COLEC10: variants seen among roughly 807,000 people sequenced by gnomAD.
COLEC10 encodes the protein collectin-10.
In COLEC10, 22 loss-of-function variants were observed where a neutral mutation model predicts 28.4. That is an observed-to-expected ratio of 0.78 (90% confidence interval 0.55 to 1.11). COLEC10 has a LOEUF of 1.11. Among genes scored for constraint, COLEC10 ranks in the 50% least tolerant of loss-of-function variants. COLEC10 has a pLI of 0.00. For missense variants in COLEC10, 361 were observed against 344.1 expected (o/e 1.05, Z -0.39); for synonymous variants, 125 against 116.1 (o/e 1.08, Z -0.49).
Position 119,097,865 on chromosome 8 carries a change from CT to C in COLEC10, c.293-4472del, listed in dbSNP as rs562855769. Among the ~76,000 whole-genome samples, 345 of 147,008 alleles carry C rather than the reference CT, an allele frequency of 2.3e-3. 2 individuals carry two copies. Among genetic ancestry groups the C allele is most frequent in the Admixed American group, 4.3e-3 (63 of 14,652 alleles). Reference sequence around the variant, plus strand: ...CATGAATAAGTCCAGAATTGAAGAACTTTTTTTTTTTAGATAAGTAACATTT... The same window carrying C: ...CATGAATAAGTCCAGAATTGAAGAACTTTTTTTTTTAGATAAGTAACATTT... On this transcript the variant is annotated intron_variant, in intron 3 of 5. Coordinates refer to ENST00000332843, the MANE Select transcript of COLEC10 (RefSeq NM_006438.5).
At chr8:119,044,727 C>CGTCTGTAAT (rs1814558044) in intron 2 of COLEC10, among the ~76,000 whole-genome samples, 1 of 151,688 alleles carries the variant, frequency 6.6e-6, no homozygotes, top group Non-Finnish European at 1.5e-5. Context: ...TGGTGGCTCA[C>CGTCTGTAAT]GTCTGTAATC....
chr8:119,077,981 A>G (rs1038897198), intron 1 of COLEC10, among the ~76,000 whole-genome samples: 3 of 152,140 alleles, frequency 2.0e-5, no homozygotes, highest in African/African-American at 7.2e-5. Context: ...ATATACAATC[A>G]TGGCAGAAGA....
rs77025061 is a variant in COLEC10, at chr8:119,083,575, C to T, written c.149-6105C>T. Among the ~76,000 whole-genome samples, 225 of 152,264 alleles carry T rather than the reference C, an allele frequency of 1.5e-3. 4 individuals are homozygous for T. Among genetic ancestry groups the T allele is most frequent in the East Asian group, 0.012 (63 of 5,172 alleles). On this transcript the variant is annotated intron_variant, in intron 1 of 5. Coordinates refer to ENST00000332843, the MANE Select transcript of COLEC10 (RefSeq NM_006438.5). The stretch of plus-strand genomic sequence containing the variant: ...CAATATTTATGCATCAGTGAGAGCA[C>T]ATTCCATGCAAGCAGCTCTTTGATG...
At chr8:119,042,731 A>C (rs947809753) in intron 2 of COLEC10, among the ~76,000 whole-genome samples, 1 of 152,216 alleles carries the variant, frequency 6.6e-6, no homozygotes, top group Non-Finnish European at 1.5e-5. Context: ...TCATCTTTCA[A>C]AACCTCAGTC....
intron 2 of COLEC10, among the ~76,000 whole-genome samples, chr8:119,053,434 G>C (rs1320194176): frequency 6.6e-6 from 1 of 152,102 alleles, no homozygotes; most frequent in Non-Finnish European, 1.5e-5. Flanking sequence ...AGGAACACTT[G>C]AGTACCCGAA....
chr8:118,998,551 G>A (rs1813632252), intron 1 of COLEC10, among the ~76,000 whole-genome samples: 1 of 151,860 alleles, frequency 6.6e-6, no homozygotes, highest in Non-Finnish European at 1.5e-5. Context: ...AAAAATTTAA[G>A]AACTTGGCCA....
chr8:119,051,879 G>A (rs144781591), intron 2 of COLEC10, among the ~76,000 whole-genome samples: 2 of 152,102 alleles, frequency 1.3e-5, no homozygotes, highest in Admixed American at 1.3e-4. Context: ...TTTGGGGCTT[G>A]AATCCTAGCT....
At chr8:118,958,821 AGG>A in the COLEC10 span, among the ~76,000 whole-genome samples, 2 of 152,324 alleles carry the variant, frequency 1.3e-5, no homozygotes, top group South Asian at 4.1e-4. Flanking sequence ...ATTTTCAATG[AGG>A]GTTATATAAA....
At chr8:118,977,532 T>C in the COLEC10 span, among the ~76,000 whole-genome samples, 1 of 140,440 alleles carries the variant, frequency 7.1e-6, no homozygotes, top group South Asian at 2.2e-4. Context: ...TTCTCACTCA[T>C]AGGTGGGAAC....
chr8:119,055,441 AG>A (rs1814743569), intron 2 of COLEC10, among the ~76,000 whole-genome samples: 2 of 152,022 alleles, frequency 1.3e-5, no homozygotes, highest in Non-Finnish European at 2.9e-5. Context: ...TGTCCCCACA[AG>A]GTTAGCATGG....
the COLEC10 span, among the ~76,000 whole-genome samples, chr8:118,964,891 C>A: frequency 0.025 from 3,778 of 152,166 alleles, 151 homozygotes; most frequent in African/African-American, 0.087. Context: ...GGTCTGATAA[C>A]CTAAGTTATT....
At chr8:119,102,304 TA>T in intron 3 of COLEC10, 43 bp from the exon 4 acceptor site, 1 of 1,373,592 alleles carries the variant, frequency 7.3e-7, no homozygotes, top group Non-Finnish European at 1.0e-6. Flanking sequence ...TTTCTTCTTT[TA>T]TTTTAATTTT....
the COLEC10 span, among the ~76,000 whole-genome samples, chr8:118,990,232 T>C: frequency 6.6e-6 from 1 of 152,038 alleles, no homozygotes; most frequent in African/African-American, 2.4e-5. Context: ...TATTATCCAA[T>C]AAAAACAACA....
rs1289312298 is a variant in COLEC10 at position 119,108,429 on chromosome 8, A to G, written c.*2238A>G. 1.3e-5 allele frequency among the ~76,000 whole-genome samples: 2 copies of G among 152,174 alleles called. No homozygotes were observed. The highest frequency in any genetic ancestry group is 2.4e-5 in the African/African-American group (1 of 41,444). ...TTAGTGCTATTATTATTTACTGTGA[A>G]TGTTATAATAATAGTTCTCTCAATG... is the stretch of plus-strand genomic sequence containing the variant. On this transcript the variant is annotated 3_prime_UTR_variant, in exon 6 of 6. Transcript: ENST00000332843.
At chr8:118,957,144 A>G in the COLEC10 span, among the ~76,000 whole-genome samples, 1 of 152,254 alleles carries the variant, frequency 6.6e-6, no homozygotes, top group Non-Finnish European at 1.5e-5. Flanking sequence ...CACCAAAAAC[A>G]TATACATTTA....
At chr8:118,989,726 A>ATGTGTGTGTGTGTGTG in the COLEC10 span, among the ~76,000 whole-genome samples, 65 of 151,314 alleles carry the variant, frequency 4.3e-4, no homozygotes, top group African/African-American at 1.6e-3. Context: ...AAAAATTTGC[A>ATGTGTGTGTGTGTGTG]TGTGTGTGTG....
At chr8:118,996,612 C>T (rs543189152) in intron 1 of COLEC10, among the ~76,000 whole-genome samples, 28 of 152,160 alleles carry the variant, frequency 1.8e-4, no homozygotes, top group African/African-American at 6.0e-4. Flanking sequence ...TTATTAGTGA[C>T]GTTGGGCATC....
chr8:119,011,912 T>C (rs892926234), intron 2 of COLEC10, among the ~76,000 whole-genome samples: 1 of 150,788 alleles, frequency 6.6e-6, no homozygotes, highest in Non-Finnish European at 1.5e-5. Context: ...ACAAAGGCAG[T>C]TTTATTTCTT....
At chr8:118,962,894 T>A in the COLEC10 span, among the ~76,000 whole-genome samples, 2 of 152,216 alleles carry the variant, frequency 1.3e-5, no homozygotes, top group African/African-American at 4.8e-5. Flanking sequence ...CTTACCCAAA[T>A]TCATTCTCAT....
Sources: allele counts gnomAD v4.1 joint callset (sites outside exome capture counted in the v4.1 genomes callset), GRCh38; gene constraint gnomAD v4.1.1; transcripts MANE v1.5; gene names NCBI Gene and HGNC (gene_info 2026-07-23, HGNC 2026-07-21).